The following INTS1 variants were observed in gnomAD, a reference collection of about 807,000 sequenced individuals.
The protein encoded by INTS1 is integrator complex subunit 1.
Under a neutral mutation model 241.6 loss-of-function variants are expected in INTS1, and 137 were observed. The ratio of observed to expected loss-of-function variants is 0.57; its 90% CI spans 0.49 to 0.65. INTS1 has a LOEUF of 0.65. INTS1 is among the 30% of genes least tolerant of loss of function. INTS1 has a pLI of 0.00. For missense variants in INTS1, 3,073 were observed against 3,032.2 expected (o/e 1.01, Z -0.32); for synonymous variants, 1,692 against 1,337.8 (o/e 1.26, Z -5.78).
At chr7:1,494,052 T>C in intron 14 of INTS1, 141 bp from the exon 15 acceptor site, 3 of 1,084,014 alleles carry the variant, frequency 2.8e-6, no homozygotes, top group Non-Finnish European at 3.9e-6. Context: ...GCCTATCCCC[T>C]CCAACCTGAG....
chr7:1,474,066 C>A, intron 41 of INTS1, 102 bp downstream of exon 41: 2 of 1,334,974 alleles, frequency 1.5e-6, no homozygotes. Context: ...TGGGCCCTGG[C>A]TGCAGAGGTC....
At position 1,481,504 on chromosome 7, in the gene INTS1, C is replaced by T; in HGVS notation, c.3704-16G>A. 1 of 1,592,608 alleles carries T rather than the reference C, an allele frequency of 6.3e-7. No homozygotes were observed. The highest frequency in any genetic ancestry group is 8.6e-7 in the Non-Finnish European group (1 of 1,169,132). On this transcript the variant is annotated splice_polypyrimidine_tract_variant and intron_variant, in intron 27 of 47. Coordinates refer to ENST00000404767, the MANE Select transcript of INTS1 (RefSeq NM_001080453.3). This position sits in a 1 kb window ranked among gnomAD's most constrained non-coding sequence, Gnocchi z 6.8. ...TCCTGCAGGGCTGAGGGTGCACGCG[C>T]TCCGTAACGCCACCCAAAACCCGGG...
At position 1,487,881 on chromosome 7, in the gene INTS1, C is replaced by T. The variant is rs768112190; in HGVS notation, c.2395G>A (p.Ala799Thr). The T allele has an allele frequency of 1.5e-5, 25 of 1,613,612 alleles. No homozygotes were observed. Among genetic ancestry groups the T allele is most frequent in the South Asian group, 1.4e-4 (13 of 91,090 alleles). Reference protein sequence around the residue: ...TEMLNRELQTAQREKQEILAF... With the variant: ...TEMLNRELQTTQREKQEILAF... ...AGGATCTCCTGCTTCTCCCGCTGGG[C>T]GGTCTGCAGCTCACGGTTCAGCATC... Residue 799 changes from alanine to threonine, a missense_variant, in exon 19 of 48, where the codon GCC becomes ACC. Physicochemically the swap from Ala to Thr is moderately conservative, Grantham distance 58. Coordinates refer to ENST00000404767, the MANE Select transcript of INTS1 (RefSeq NM_001080453.3).
rs764836653 is a variant in INTS1, at chr7:1,497,273, G to T, written c.1467C>A (p.Asp489Glu). Residue 489 changes from aspartate to glutamate, a missense_variant, in exon 11 of 48, where the codon GAC becomes GAA. Transcript: ENST00000404767. The surrounding 1 kb of genome is among the most constrained non-coding windows in gnomAD (Gnocchi z 5.3). ...MVFQDLLTNK[D>E]DYLRASRALL... is the part of the protein sequence containing the mutation. ...GGGCCCGCGAGGCCCGCAGGTAGTCGTCCTTGTTGGTCAGCAGGTCCTGGA... is the reference window on the plus strand; with the variant it reads ...GGGCCCGCGAGGCCCGCAGGTAGTCTTCCTTGTTGGTCAGCAGGTCCTGGA... 1 of 1,613,346 alleles carries T rather than the reference G, an allele frequency of 6.2e-7. No individual in the cohort carries two copies. Among genetic ancestry groups the T allele is most frequent in the Non-Finnish European group, 8.5e-7 (1 of 1,179,712 alleles).
intron 26 of INTS1, 150 bp from the exon 27 acceptor site, chr7:1,482,857 G>C (rs1012451749): frequency 2.3e-6 from 2 of 863,468 alleles, no homozygotes; most frequent in Non-Finnish European, 3.6e-6. Context: ...GTGAGCACTT[G>C]CTATGTGCGG....
In INTS1 at chr7:1,492,929, G is replaced by T. The variant is rs866249310; in HGVS notation, c.2165+81C>A. 9.7e-5 allele frequency: 94 copies of T among 968,456 alleles called. 1 individual carries two copies. The Middle Eastern group carries it at 2.1e-3, about 21-fold the overall frequency. 60.0% of individuals were successfully genotyped at this position (968,456 alleles called of 1,614,324 possible). A position where few individuals can be genotyped will look rare whatever the true frequency, so the allele number is the denominator to read the frequency against. ...TTACCCGGGCGGGAGTGGGGAGCGG[G>T]GCGCGGGCTTACCCGGGTGGGAGTG... On this transcript the variant is annotated intron_variant, in intron 16 of 47. Coordinates refer to ENST00000404767, the MANE Select transcript of INTS1 (RefSeq NM_001080453.3).
At chr7:1,495,137 G>A (rs1782782556) in intron 13 of INTS1, among the ~76,000 whole-genome samples, 1 of 151,156 alleles carries the variant, frequency 6.6e-6, no homozygotes, top group African/African-American at 2.4e-5. Context: ...AATCGCTGCA[G>A]AGAAATGCAG....
In INTS1 at chr7:1,493,937, G is replaced by A. The variant is rs753362361; in HGVS notation, c.1911-26C>T. 1.8e-5 allele frequency: 28 copies of A among 1,544,410 alleles called. No homozygotes were observed. The highest frequency in any genetic ancestry group is 4.8e-5 in the South Asian group (4 of 83,484). On this transcript the variant is annotated intron_variant, in intron 14 of 47. Transcript: ENST00000404767. The surrounding 1 kb of genome is among the most constrained non-coding windows in gnomAD (Gnocchi z 5.3). Reference sequence around the variant, plus strand: ...CTGCGGGGTGGGGGAGGCATGACTCGGTGTGGGCTGCCCACACCTGCCAGA... The same window carrying A: ...CTGCGGGGTGGGGGAGGCATGACTCAGTGTGGGCTGCCCACACCTGCCAGA...
At chr7:1,473,762 T>C in intron 41 of INTS1, 69 bp from the exon 42 acceptor site, 2 of 1,590,164 alleles carry the variant, frequency 1.3e-6, no homozygotes, top group African/African-American at 2.7e-5. Context: ...TGTGCTCCCA[T>C]CTGCTCCCAG....
chr7:1,489,364 G>A lies in INTS1; in HGVS notation c.2298C>T (p.Leu766=), dbSNP rs554292260. 8.6e-6 allele frequency: 8 copies of A among 926,140 alleles called. No homozygotes were observed. In the South Asian group the frequency reaches 1.4e-4, roughly 16 times the overall value. The allele number at this position is 926,140 out of a possible 1,614,324, so 57.4% of individuals were successfully genotyped here. ...CTCACTTGGTCATCACCATCTCCAT[G>A]AGCATCTTCAGGGTCGGGTACTCCT... ...AWEEYPTLKM[L]MEMVMTNNYS... is the part of the protein sequence containing the mutation. The change falls in exon 18 of 48, where the codon CTC becomes CTT. Residue 766 remains leucine, a synonymous_variant. Transcript: ENST00000404767.
In INTS1 at chr7:1,493,177, G is replaced by A. The variant is rs1343583557; in HGVS notation, c.2069-71C>T. The A allele has an allele frequency of 1.8e-5, 24 of 1,320,960 alleles. No homozygotes were observed. The highest frequency in any genetic ancestry group is 4.8e-5 in the South Asian group (4 of 82,930). 81.8% of individuals were successfully genotyped at this position (1,320,960 alleles called of 1,614,324 possible). ...ATCAGGCACAGGCAGCGAGGGAACC[G>A]GCCCTGCTCGGGCCGCGTCGGGGTG... On this transcript the variant is annotated intron_variant, in intron 15 of 47. Coordinates refer to ENST00000404767, the MANE Select transcript of INTS1 (RefSeq NM_001080453.3). The surrounding 1 kb of genome is among the most constrained non-coding windows in gnomAD (Gnocchi z 5.3).
chr7:1,499,931 TGAG>T lies in INTS1; in HGVS notation c.634_636del (p.Leu212del), dbSNP rs758428223. 1 of 1,613,414 alleles carries T rather than the reference TGAG, an allele frequency of 6.2e-7. No homozygotes were observed. The highest frequency in any genetic ancestry group is 1.7e-5 in the Admixed American group (1 of 60,006). ...TTCTCGTCCTCCTCGTAGGCGGCCA[TGAG>T]GAGGTTACAGGCCAGCACAGACACC... is the stretch of plus-strand genomic sequence containing the variant. On this transcript the variant is annotated inframe_deletion, in exon 5 of 48. Coordinates refer to ENST00000404767, the MANE Select transcript of INTS1 (RefSeq NM_001080453.3).
rs1399829957 is a variant in INTS1 at position 1,472,374 on chromosome 7, G to A, written c.6083C>T (p.Ala2028Val). 3 of 1,556,078 alleles carry A rather than the reference G, an allele frequency of 1.9e-6. No individual in the cohort carries two copies. The South Asian group carries it at 3.5e-5, about 18-fold the overall frequency. The change falls in exon 44 of 48, where the codon GCC becomes GTC. Residue 2028 changes from alanine to valine, a missense_variant. Physicochemically the swap from Ala to Val is moderately conservative, Grantham distance 64. Transcript: ENST00000404767. The stretch of plus-strand genomic sequence containing the variant: ...GACGCTGACCAGGGGCAAGGAGCCG[G>A]CTGAGCTCTCCTCTGGAAGACAGTG... ...LDEEGEEESSAGSLPLVSVSL... is the reference protein window; with the variant it reads ...LDEEGEEESSVGSLPLVSVSL...
chr7:1,470,613 C>G lies in INTS1; in HGVS notation c.6537G>C (p.Glu2179Asp). Reference protein sequence around the residue: ...GQMDPSAQISEALRILHMEAV... With the variant: ...GQMDPSAQISDALRILHMEAV... The stretch of plus-strand genomic sequence containing the variant: ...CCTCCATATGCAGGATCCTCAGGGC[C>G]TCGGAGATCTGCGCGCTGGGGTCCA... Residue 2179 changes from glutamate to aspartate, a missense_variant, in exon 48 of 48, where the codon GAG becomes GAC. Coordinates refer to ENST00000404767, the MANE Select transcript of INTS1 (RefSeq NM_001080453.3). The G allele has an allele frequency of 6.3e-7, 1 of 1,584,936 alleles. No homozygotes were observed. The highest frequency in any genetic ancestry group is 8.6e-7 in the Non-Finnish European group (1 of 1,166,554).
At chr7:1,488,769 A>C (rs1411979374) in intron 18 of INTS1, among the ~76,000 whole-genome samples, 1 of 152,170 alleles carries the variant, frequency 6.6e-6, no homozygotes, top group African/African-American at 2.4e-5. Context: ...CCCAGAGCTC[A>C]TCGGCCCTCG....
In INTS1 at chr7:1,504,331, C is replaced by A. The variant is rs1193196212; in HGVS notation, c.-50G>T. 1 of 524,404 alleles carries A rather than the reference C, an allele frequency of 1.9e-6. No individual in the cohort carries two copies. The highest frequency in any genetic ancestry group is 3.6e-6 in the Non-Finnish European group (1 of 274,560). 32.5% of individuals were successfully genotyped at this position (524,404 alleles called of 1,614,324 possible). ...GGCCGCGGCTCACTTACCTCTGGCC[C>A]ATCGCGACCGGAGCGCCGCCGCCGC... On this transcript the variant is annotated 5_prime_UTR_variant, in exon 1 of 48. The change abolishes an upstream ATG in the 5' untranslated region. Coordinates refer to ENST00000404767, the MANE Select transcript of INTS1 (RefSeq NM_001080453.3).
rs563361183 is a variant in INTS1 at position 1,496,118 on chromosome 7, C to A, written c.1711+38G>T. On this transcript the variant is annotated intron_variant, in intron 12 of 47. Coordinates refer to ENST00000404767, the MANE Select transcript of INTS1 (RefSeq NM_001080453.3). ...CCAGCCACCAGCCTGGACCCGAGAC[C>A]CCCACCAAGCAGGGCCAGGCCACCC... 5 of 1,542,518 alleles carry A rather than the reference C, an allele frequency of 3.2e-6. No individual in the cohort carries two copies. The East Asian group carries it at 6.8e-5, about 21-fold the overall frequency.
intron 3 of INTS1, among the ~76,000 whole-genome samples, chr7:1,502,671 G>A (rs529667105): frequency 6.6e-6 from 1 of 152,186 alleles, no homozygotes. Flanking sequence ...CTCAATAAGG[G>A]AGTGACCCGG....
chr7:1,475,590 G>A (rs191233532), intron 39 of INTS1, among the ~76,000 whole-genome samples: 354 of 152,226 alleles, frequency 2.3e-3, no homozygotes, highest in African/African-American at 8.2e-3. Context: ...AGGAGCAGAC[G>A]CAGCCGTCCG....
Sources: allele counts gnomAD v4.1 joint callset (sites outside exome capture counted in the v4.1 genomes callset), GRCh38; gene constraint gnomAD v4.1.1; non-coding constraint Gnocchi (gnomAD v3.1); transcripts MANE v1.5; gene names NCBI Gene and HGNC (gene_info 2026-07-23, HGNC 2026-07-21).